KCNIP4: variants seen among roughly 807,000 people sequenced by gnomAD.
KCNIP4 encodes Kv channel-interacting protein 4.
KCNIP4 carries 12 observed loss-of-function variants against 34.0 expected under a neutral mutation model. That is an observed-to-expected ratio of 0.35 (90% confidence interval 0.23 to 0.57). The LOEUF is 0.57. Ranked by LOEUF, KCNIP4 falls within the 20% of genes least tolerant of loss-of-function variation. The probability of loss-of-function intolerance (pLI) is 0.83; values close to 1 mark genes in which losing one functional copy is unlikely to be tolerated. For missense variants in KCNIP4, 238 were observed against 311.7 expected (o/e 0.76, Z 1.78); for synonymous variants, 124 against 102.2 (o/e 1.21, Z -1.29).
chr4:21,667,335 T>C (rs1749059134), intron 1 of KCNIP4, among the ~76,000 whole-genome samples: 1 of 152,200 alleles, frequency 6.6e-6, no homozygotes, highest in Middle Eastern at 3.2e-3. Flanking sequence ...TGTCCGTTAA[T>C]TCAAAAACCA....
chr4:21,732,795 A>G (rs1715706409), intron 1 of KCNIP4, among the ~76,000 whole-genome samples: 1 of 152,144 alleles, frequency 6.6e-6, no homozygotes, highest in Non-Finnish European at 1.5e-5. Flanking sequence ...GTCTGCTCAG[A>G]CTCTGAGGAG....
At chr4:21,072,621 T>G (rs866220502) in intron 1 of KCNIP4, among the ~76,000 whole-genome samples, 12 of 152,186 alleles carry the variant, frequency 7.9e-5, no homozygotes, top group African/African-American at 2.4e-4. Flanking sequence ...TGGTAGTCTC[T>G]TTTGCTGTGC....
chr4:21,607,647 A>G (rs1393609399), intron 1 of KCNIP4, among the ~76,000 whole-genome samples: 3 of 151,928 alleles, frequency 2.0e-5, no homozygotes, highest in Non-Finnish European at 4.4e-5. Flanking sequence ...CTTCTCACAT[A>G]TAAGCATAAT....
At chr4:21,530,142 G>A (rs919019958) in intron 1 of KCNIP4, among the ~76,000 whole-genome samples, 4 of 152,104 alleles carry the variant, frequency 2.6e-5, no homozygotes, top group African/African-American at 9.7e-5. Context: ...GAAAGGGCAA[G>A]TTTCTTAACC....
chr4:21,192,363 T>C (rs570951765), intron 1 of KCNIP4, among the ~76,000 whole-genome samples: 3 of 152,302 alleles, frequency 2.0e-5, no homozygotes, highest in South Asian at 4.2e-4. Flanking sequence ...ATAAACTGCA[T>C]TTTTTTAAAG....
At chr4:21,832,383 T>C (rs913312051) in intron 1 of KCNIP4, among the ~76,000 whole-genome samples, 3 of 152,064 alleles carry the variant, frequency 2.0e-5, no homozygotes, top group Admixed American at 6.6e-5. Flanking sequence ...GTATTGTGGC[T>C]CTGACATAAG....
intron 1 of KCNIP4, among the ~76,000 whole-genome samples, chr4:21,918,117 C>T (rs1288229174): frequency 6.6e-6 from 1 of 152,120 alleles, no homozygotes; most frequent in Non-Finnish European, 1.5e-5. Flanking sequence ...AGACCTTATG[C>T]CCACCAAGGT....
At chr4:21,579,055 C>A (rs1475921885) in intron 1 of KCNIP4, among the ~76,000 whole-genome samples, 1 of 152,126 alleles carries the variant, frequency 6.6e-6, no homozygotes, top group African/African-American at 2.4e-5. Context: ...AAGAACCTGA[C>A]ATTGGAGATT....
At chr4:20,818,721 T>C (rs935658110) in intron 3 of KCNIP4, among the ~76,000 whole-genome samples, 1 of 152,074 alleles carries the variant, frequency 6.6e-6, no homozygotes, top group African/African-American at 2.4e-5. Flanking sequence ...CATTGGGAAA[T>C]TAAACCTAAT....
At chr4:20,833,105 C>T (rs906105983) in intron 3 of KCNIP4, among the ~76,000 whole-genome samples, 5 of 152,170 alleles carry the variant, frequency 3.3e-5, no homozygotes, top group African/African-American at 1.2e-4. Flanking sequence ...TCCTCTTCCA[C>T]AAAATGATAA....
At chr4:21,620,194 A>G (rs1243405133) in intron 1 of KCNIP4, among the ~76,000 whole-genome samples, 1 of 152,122 alleles carries the variant, frequency 6.6e-6, no homozygotes, top group East Asian at 1.9e-4. Context: ...TCAAAAGAGT[A>G]GAAACCATAA....
At chr4:20,792,990 A>G (rs1712976438) in intron 3 of KCNIP4, among the ~76,000 whole-genome samples, 1 of 152,210 alleles carries the variant, frequency 6.6e-6, no homozygotes, top group Admixed American at 6.5e-5. Context: ...TAGTAGAAGT[A>G]TCTCATAGAA....
chr4:21,442,256 A>G (rs990754173), intron 1 of KCNIP4, among the ~76,000 whole-genome samples: 1 of 152,168 alleles, frequency 6.6e-6, no homozygotes, highest in South Asian at 2.1e-4. Flanking sequence ...GAGACTCTTC[A>G]TAATTTTTTC....
intron 5 of KCNIP4, among the ~76,000 whole-genome samples, chr4:20,735,518 GT>G (rs754949562): frequency 0.21 from 26,772 of 130,536 alleles, 2,769 homozygotes; most frequent in East Asian, 0.43. Flanking sequence ...TTCATTTAGT[GT>G]TTTTTTTTTT....
intron 1 of KCNIP4, among the ~76,000 whole-genome samples, chr4:21,074,305 C>A (rs1333338092): frequency 6.6e-6 from 1 of 152,166 alleles, no homozygotes; most frequent in Non-Finnish European, 1.5e-5. Context: ...ATTATTGCCT[C>A]AATTTCAGAG....
At chr4:21,631,118 T>C (rs753382975) in intron 1 of KCNIP4, among the ~76,000 whole-genome samples, 1 of 152,220 alleles carries the variant, frequency 6.6e-6, no homozygotes, top group Non-Finnish European at 1.5e-5. Context: ...TCACAAGTTA[T>C]ATATGAATTT....
intron 1 of KCNIP4, among the ~76,000 whole-genome samples, chr4:21,139,931 C>G (rs1388476231): frequency 6.6e-6 from 1 of 151,842 alleles, no homozygotes; most frequent in Non-Finnish European, 1.5e-5. Context: ...TCTTTTTAAC[C>G]CCAGAGTCCA....
intron 1 of KCNIP4, among the ~76,000 whole-genome samples, chr4:21,662,073 C>A (rs1748495462): frequency 6.6e-6 from 1 of 152,114 alleles, no homozygotes; most frequent in Non-Finnish European, 1.5e-5. Flanking sequence ...CTTCCTCACA[C>A]CACCTGGACA....
intron 1 of KCNIP4, among the ~76,000 whole-genome samples, chr4:21,278,489 C>T (rs1011904970): frequency 2.6e-5 from 4 of 152,102 alleles, no homozygotes; most frequent in Non-Finnish European, 1.5e-5. Flanking sequence ...ATAATGGCCT[C>T]CAGCTCCATC....
Sources: gnomAD v4.1 joint callset for allele counts (sites outside exome capture counted in the v4.1 genomes callset) on GRCh38, gnomAD v4.1.1 for gene constraint, MANE v1.5 for transcripts, NCBI Gene and HGNC (gene_info 2026-07-23, HGNC 2026-07-21) for gene names.